Variants in FRMD5 observed in about 807,000 individuals in gnomAD.
FRMD5 encodes FERM domain containing 5, also known as FERM domain-containing protein 5.
Under a neutral mutation model 69.0 loss-of-function variants are expected in FRMD5, and 20 were observed. That is an observed-to-expected ratio of 0.29 (90% confidence interval 0.20 to 0.42). The LOEUF is 0.42. FRMD5 is among the 10% of genes least tolerant of loss of function. FRMD5 has a pLI of 1.00. For synonymous variants in FRMD5, 271 were observed against 260.1 expected (o/e 1.04, Z -0.40); for missense variants, 595 against 708.6 (o/e 0.84, Z 1.82).
chr15:44,105,144 A>G (rs1472193376), intron 1 of FRMD5, among the ~76,000 whole-genome samples: 3 of 144,696 alleles, frequency 2.1e-5, no homozygotes, highest in Non-Finnish European at 4.5e-5. Flanking sequence ...TGGCACAGTT[A>G]CAACTCACTG....
At chr15:44,059,586 A>ATTG (rs1407828143) in intron 1 of FRMD5, among the ~76,000 whole-genome samples, 5 of 152,120 alleles carry the variant, frequency 3.3e-5, no homozygotes, top group Non-Finnish European at 7.4e-5. Flanking sequence ...ATCTTGGCTC[A>ATTG]TTGCAACCTC....
In FRMD5 at chr15:44,108,965, A is replaced by AAAAATAAAATAAAATAAAATAAAAT. The variant is rs3986153; in HGVS notation, c.102+85963_102+85987dup. ...AACAGAGTGAGACTTCTCTCTAAAT[A>AAAAATAAAATAAAATAAAATAAAAT]AAAATAAAATAAAATAAAATAAAAT... On this transcript the variant is annotated intron_variant, in intron 1 of 13. Transcript: ENST00000417257. Among the ~76,000 whole-genome samples, 315 of 136,878 alleles carry AAAAATAAAATAAAATAAAATAAAAT rather than the reference A, an allele frequency of 2.3e-3. 5 individuals carry two copies. Among genetic ancestry groups the AAAAATAAAATAAAATAAAATAAAAT allele is most frequent in the East Asian group, 0.017 (75 of 4,508 alleles). 89.8% of individuals were successfully genotyped at this position (136,878 alleles called of 152,430 possible). A position where few individuals can be genotyped will look rare whatever the true frequency, so the allele number is the denominator to read the frequency against.
chr15:44,151,123 C>T (rs1182064205), intron 1 of FRMD5, among the ~76,000 whole-genome samples: 5 of 151,378 alleles, frequency 3.3e-5, no homozygotes, highest in Non-Finnish European at 7.4e-5. Flanking sequence ...AAGGACCGGG[C>T]GTGGTGGCTT....
At chr15:44,104,701 C>T (rs2076689762) in intron 1 of FRMD5, among the ~76,000 whole-genome samples, 1 of 152,156 alleles carries the variant, frequency 6.6e-6, no homozygotes, top group South Asian at 2.1e-4. Flanking sequence ...ACCACATAAC[C>T]TGGGTAGTAT....
chr15:44,120,149 G>C (rs1055873031), intron 1 of FRMD5, among the ~76,000 whole-genome samples: 3 of 152,098 alleles, frequency 2.0e-5, no homozygotes, highest in Admixed American at 6.5e-5. Flanking sequence ...CAAGGAGTTT[G>C]GGCTTTATGC....
At chr15:44,050,680 CAG>C (rs1892625404) in intron 1 of FRMD5, among the ~76,000 whole-genome samples, 2 of 145,952 alleles carry the variant, frequency 1.4e-5, no homozygotes, top group African/African-American at 5.1e-5. Flanking sequence ...TTTTTTCAGA[CAG>C]AGTCTCGCTC....
At chr15:43,996,876 T>G (rs558739023) in intron 1 of FRMD5, among the ~76,000 whole-genome samples, 34 of 152,256 alleles carry the variant, frequency 2.2e-4, no homozygotes, top group Admixed American at 3.9e-4. Flanking sequence ...ATGATTCATT[T>G]TCACATTAAA....
chr15:43,877,902 C>G (rs186287313), intron 13 of FRMD5, among the ~76,000 whole-genome samples: 27 of 152,322 alleles, frequency 1.8e-4, no homozygotes, highest in African/African-American at 5.8e-4. Flanking sequence ...CTATTAAGTC[C>G]TCATGTTGTC....
intron 5 of FRMD5, among the ~76,000 whole-genome samples, chr15:43,909,588 C>T (rs1054708955): frequency 6.6e-6 from 1 of 152,010 alleles, no homozygotes; most frequent in African/African-American, 2.4e-5. Flanking sequence ...TCAAGCAATT[C>T]TTGCACCTTG....
At chr15:43,986,561 A>G (rs1023521507) in intron 1 of FRMD5, among the ~76,000 whole-genome samples, 1 of 152,228 alleles carries the variant, frequency 6.6e-6, no homozygotes, top group Admixed American at 6.5e-5. Flanking sequence ...TCTTGCAGAT[A>G]TTTCATGACA....
chr15:44,133,606 A>G (rs1466982548), intron 1 of FRMD5, among the ~76,000 whole-genome samples: 1 of 151,366 alleles, frequency 6.6e-6, no homozygotes, highest in African/African-American at 2.4e-5. Flanking sequence ...CTGAAAAAAG[A>G]TAGAATTCTT....
At chr15:44,195,577 T>C (rs1207214428), upstream of FRMD5, among the ~76,000 whole-genome samples, 1 of 152,198 alleles carries the variant, frequency 6.6e-6, no homozygotes, top group East Asian at 1.9e-4. Flanking sequence ...CCGCCTGAAA[T>C]ACACTTGATC....
At chr15:44,038,520 C>CTTTTTTCTT (rs1555397091) in intron 1 of FRMD5, among the ~76,000 whole-genome samples, 1 of 63,200 alleles carries the variant, frequency 1.6e-5, no homozygotes, top group African/African-American at 5.7e-5. Flanking sequence ...CTAGCCAGAG[C>CTTTTTTCTT]TTTTTTTTTT....
chr15:43,874,988 A>C (rs1307121126), intron 13 of FRMD5, among the ~76,000 whole-genome samples: 2 of 152,074 alleles, frequency 1.3e-5, no homozygotes, highest in Non-Finnish European at 2.9e-5. Flanking sequence ...TCATGAGGTA[A>C]GGAGTTCGAG....
chr15:43,998,947 C>T (rs1330872906), intron 1 of FRMD5, among the ~76,000 whole-genome samples: 1 of 152,182 alleles, frequency 6.6e-6, no homozygotes, highest in Non-Finnish European at 1.5e-5. Context: ...CAAGCAAGCA[C>T]CAAAACTTCT....
chr15:43,929,407 C>A (rs1233999846), intron 1 of FRMD5, among the ~76,000 whole-genome samples: 2 of 152,212 alleles, frequency 1.3e-5, no homozygotes, highest in African/African-American at 4.8e-5. Context: ...AAGCTCCACT[C>A]ATTAGGCTCC....
chr15:43,952,831 G>A (rs2090057956), intron 1 of FRMD5, among the ~76,000 whole-genome samples: 1 of 152,224 alleles, frequency 6.6e-6, no homozygotes, highest in Non-Finnish European at 1.5e-5. Flanking sequence ...GGGAGAAGAG[G>A]CAGATGCAGA....
At chr15:44,088,688 T>A (rs1252517560) in intron 1 of FRMD5, among the ~76,000 whole-genome samples, 1 of 152,180 alleles carries the variant, frequency 6.6e-6, no homozygotes, top group African/African-American at 2.4e-5. Flanking sequence ...TTCCATACCA[T>A]ATGCCAGGCA....
intron 1 of FRMD5, among the ~76,000 whole-genome samples, chr15:44,121,422 A>G (rs1047150569): frequency 2.1e-4 from 32 of 152,170 alleles, no homozygotes; most frequent in African/African-American, 7.7e-4. Context: ...GGGAAAGGCT[A>G]TTAAAAAAGT....
Sources: allele counts gnomAD v4.1 joint callset (sites outside exome capture counted in the v4.1 genomes callset), GRCh38; gene constraint gnomAD v4.1.1; transcripts MANE v1.5; gene names NCBI Gene and HGNC (gene_info 2026-07-23, HGNC 2026-07-21).